Variants in ABL1 observed in about 807,000 individuals in gnomAD.
ABL1 encodes ABL proto-oncogene 1, non-receptor tyrosine kinase.
ABL1 carries 11 observed loss-of-function variants against 94.7 expected under a neutral mutation model. The observed-to-expected ratio is 0.12, with a 90% CI of 0.07 to 0.19. The LOEUF (loss-of-function observed/expected upper bound fraction) is 0.19. Among genes scored for constraint, ABL1 ranks in the 10% least tolerant of loss-of-function variants. The pLI, the probability that ABL1 is intolerant of heterozygous loss-of-function variation, is 1.00. For missense variants in ABL1, 1,082 were observed against 1,489.4 expected (o/e 0.73, Z 4.50); for synonymous variants, 656 against 622.4 (o/e 1.05, Z -0.80).
intron 1 of ABL1, among the ~76,000 whole-genome samples, chr9:130,718,922 A>G (rs560834938): frequency 1.9e-4 from 29 of 152,198 alleles, no homozygotes; most frequent in Non-Finnish European, 2.5e-4. Flanking sequence ...AAGTCTATCA[A>G]GAAGGCACAT....
At chr9:130,844,586 A>C (rs1447422818) in intron 1 of ABL1, among the ~76,000 whole-genome samples, 2 of 151,956 alleles carry the variant, frequency 1.3e-5, no homozygotes. Flanking sequence ...AGATCACTTG[A>C]GGTCAGGAGT....
intron 1 of ABL1, among the ~76,000 whole-genome samples, chr9:130,725,824 GTTT>G (rs34517462): frequency 1.8e-4 from 14 of 75,988 alleles, no homozygotes; most frequent in African/African-American, 5.9e-4. Context: ...GTGTATGGTG[GTTT>G]TTTTTTTTTT....
At chr9:130,773,523 A>G (rs947231765) in intron 1 of ABL1, among the ~76,000 whole-genome samples, 2 of 151,748 alleles carry the variant, frequency 1.3e-5, no homozygotes, top group Non-Finnish European at 2.9e-5. Context: ...TAGTGGTGCA[A>G]TCATGGCTCA....
At chr9:130,844,491 A>G (rs1222705514) in intron 1 of ABL1, among the ~76,000 whole-genome samples, 2 of 149,478 alleles carry the variant, frequency 1.3e-5, no homozygotes, top group East Asian at 3.9e-4. Flanking sequence ...AGGTGACACA[A>G]TTTTTTTTTT....
At chr9:130,876,185 C>T (rs1331625130) in intron 7 of ABL1, among the ~76,000 whole-genome samples, 1 of 151,656 alleles carries the variant, frequency 6.6e-6, no homozygotes, top group African/African-American at 2.4e-5. Context: ...TAATTTTTGG[C>T]AGTTACTGAT....
intron 1 of ABL1, among the ~76,000 whole-genome samples, chr9:130,747,808 C>G (rs1473324022): frequency 6.6e-6 from 1 of 152,172 alleles, no homozygotes; most frequent in East Asian, 1.9e-4. Context: ...AATCACATCT[C>G]CAAAGACCCT....
Position 130,884,299 on chromosome 9 carries a change from A to G in ABL1, c.2009A>G (p.Asn670Ser), listed in dbSNP as rs61746126. The change falls in exon 11 of 11, where the codon AAT (asparagine) becomes AGT (serine). Residue 670 changes from asparagine to serine, a missense_variant. By Grantham distance (46) the Asn-to-Ser change is conservative (BLOSUM62 1). Around this residue, in one of 7 missense-constraint regions of ABL1, gnomAD observed 780 missense variants for 835.8 expected, o/e 0.93. Transcript: ENST00000318560. This position sits in a 1 kb window ranked among gnomAD's most constrained non-coding sequence, Gnocchi z 5.6. ...CCCAGCAATGGGGCTGGGGTCCCCA[A>G]TGGAGCCCTCCGGGAGTCCGGGGGC... is the stretch of plus-strand genomic sequence containing the variant. ...PKPSNGAGVP[N>S]GALRESGGSG... 674 of 1,609,178 alleles carry G rather than the reference A, an allele frequency of 4.2e-4. 2 individuals are homozygous for G. The highest frequency in any genetic ancestry group is 7.2e-4 in the South Asian group (65 of 90,736).
intron 1 of ABL1, chr9:130,714,593 G>T (rs1831413111): frequency 4.3e-6 from 5 of 1,159,646 alleles, no homozygotes; most frequent in Non-Finnish European, 6.5e-6. Flanking sequence ...TTATCTCTTA[G>T]TGGAACTTTC....
chr9:130,740,379 T>C (rs555566910), intron 1 of ABL1, among the ~76,000 whole-genome samples: 1 of 152,330 alleles, frequency 6.6e-6, no homozygotes, highest in South Asian at 2.1e-4. Context: ...GCAATTGTCA[T>C]GCTAGGAGGA....
At chr9:130,881,915 A>T (rs1394493298) in intron 10 of ABL1, among the ~76,000 whole-genome samples, 3 of 152,154 alleles carry the variant, frequency 2.0e-5, no homozygotes, top group African/African-American at 7.2e-5. Context: ...TGCAGCCCAT[A>T]TATATGGTAT....
intron 1 of ABL1, among the ~76,000 whole-genome samples, chr9:130,816,188 C>T (rs1830284043): frequency 6.6e-6 from 1 of 152,104 alleles, no homozygotes; most frequent in South Asian, 2.1e-4. Context: ...GAATGATCCC[C>T]AGTCATCCTC....
At position 130,862,943 on chromosome 9, in the gene ABL1, A is replaced by C; in HGVS notation, c.730A>C (p.Met244Leu). ...GGAGATGGAACGCACGGACATCACC[A>C]TGAAGCACAAGCTGGGCGGGGGCCA... Reference protein sequence around the residue: ...KWEMERTDITMKHKLGGGQYG... With the variant: ...KWEMERTDITLKHKLGGGQYG... Residue 244 changes from methionine (M) to leucine (L), a missense_variant, in exon 4 of 11, where the codon ATG (methionine) becomes CTG (leucine). Met to Leu is a conservative substitution (Grantham distance 15, BLOSUM62 2). Transcript: ENST00000318560. This position sits in a 1 kb window ranked among gnomAD's most constrained non-coding sequence, Gnocchi z 5.5. 6.2e-7 allele frequency: 1 copy of C among 1,614,188 alleles called. No homozygotes were observed. Among genetic ancestry groups the C allele is most frequent in the Non-Finnish European group, 8.5e-7 (1 of 1,180,028 alleles).
chr9:130,838,239 G>T (rs760172607), intron 1 of ABL1, among the ~76,000 whole-genome samples: 6 of 152,124 alleles, frequency 3.9e-5, no homozygotes, highest in Non-Finnish European at 5.9e-5. Flanking sequence ...TCTGGCTTGG[G>T]AGAGCCCACT....
intron 1 of ABL1, among the ~76,000 whole-genome samples, chr9:130,761,041 A>G (rs1157322871): frequency 2.2e-5 from 3 of 134,806 alleles, no homozygotes; most frequent in East Asian, 2.2e-4. Flanking sequence ...TCCGCCTCCC[A>G]GGTTCACACC....
In ABL1 at chr9:130,754,507, CAAA is replaced by C. The variant is rs34396002; in HGVS notation, c.136+40073_136+40075del. ...TGGGCGACAGAGCGAGACTCCGTCT[CAAA>C]AAAAAAAAAAAAAAAAAAAATTTAC... On this transcript the variant is annotated intron_variant, in intron 1 of 10. Coordinates refer to the ABL1 transcript ENST00000372348. Among the ~76,000 whole-genome samples, 508 of 78,836 alleles carry C rather than the reference CAAA, an allele frequency of 6.4e-3. 2 individuals carry two copies. The highest frequency in any genetic ancestry group is 0.023 in the African/African-American group (466 of 20,002). 51.7% of individuals were successfully genotyped at this position (78,836 alleles called of 152,430 possible). A position where few individuals can be genotyped will look rare whatever the true frequency, so the allele number is the denominator to read the frequency against.
At chr9:130,784,333 G>T (rs1829798896) in intron 1 of ABL1, among the ~76,000 whole-genome samples, 2 of 152,048 alleles carry the variant, frequency 1.3e-5, no homozygotes, top group Non-Finnish European at 2.9e-5. Context: ...GGGGTTATAG[G>T]TTTATATACT....
intron 8 of ABL1, 145 bp downstream of exon 8, chr9:130,878,712 C>A (rs2696141): frequency 0.1 from 102,530 of 998,880 alleles, 7,442 homozygotes; most frequent in African/African-American, 0.32. Context: ...TAGCCATTTG[C>A]TACCTATTGA....
At chr9:130,813,290 G>C (rs201910192) in intron 1 of ABL1, among the ~76,000 whole-genome samples, 1 of 150,358 alleles carries the variant, frequency 6.7e-6, no homozygotes, top group Admixed American at 6.6e-5. Flanking sequence ...GGCCAGGTGC[G>C]GTGGCTCACG....
At chr9:130,762,360 T>C (rs568198235) in intron 1 of ABL1, among the ~76,000 whole-genome samples, 1 of 152,292 alleles carries the variant, frequency 6.6e-6, no homozygotes, top group African/African-American at 2.4e-5. Flanking sequence ...CCATTGAATA[T>C]AAAACATGGT....
Sources: gnomAD v4.1 joint callset for allele counts (sites outside exome capture counted in the v4.1 genomes callset) on GRCh38, gnomAD v4.1.1 for gene constraint, gnomAD v4.1.1 regional missense constraint, Gnocchi (gnomAD v3.1) non-coding constraint, MANE v1.5 for transcripts, NCBI Gene and HGNC (gene_info 2026-07-23, HGNC 2026-07-21) for gene names.